The following LARS2 variants were observed in gnomAD, a reference collection of about 807,000 sequenced individuals.
The protein encoded by LARS2 is leucine--tRNA ligase, mitochondrial.
Under a neutral mutation model 116.6 loss-of-function variants are expected in LARS2, and 81 were observed. That is an observed-to-expected ratio of 0.69 (90% CI 0.58 to 0.84). The LOEUF (loss-of-function observed/expected upper bound fraction) is 0.84. Ranked by LOEUF, LARS2 falls within the 40% of genes least tolerant of loss-of-function variation. The probability of loss-of-function intolerance (pLI) is 0.00; values close to 1 mark genes in which losing one functional copy is unlikely to be tolerated. For synonymous variants in LARS2, 396 were observed against 407.2 expected, an observed-to-expected ratio of 0.97 and a Z score of 0.33; for missense variants, 968 against 1,114.5, an observed-to-expected ratio of 0.87 and a Z score of 1.87.
intron 5 of LARS2, among the ~76,000 whole-genome samples, chr3:45,419,191 G>T (rs1698477483): frequency 6.6e-6 from 1 of 152,262 alleles, no homozygotes; most frequent in African/African-American, 2.4e-5. Flanking sequence ...TCTCAATGGT[G>T]GATAGTTTTA....
At chr3:45,473,970 G>A (rs1056254079) in intron 8 of LARS2, among the ~76,000 whole-genome samples, 3 of 152,120 alleles carry the variant, frequency 2.0e-5, no homozygotes, top group Non-Finnish European at 2.9e-5. Flanking sequence ...TGTGAATTAT[G>A]ACCTTTGTTT....
chr3:45,540,297 C>T (rs1168939331), intron 20 of LARS2, among the ~76,000 whole-genome samples: 1 of 152,146 alleles, frequency 6.6e-6, no homozygotes, highest in African/African-American at 2.4e-5. Flanking sequence ...CTGAACGTGA[C>T]TTTTATTTTT....
intron 7 of LARS2, among the ~76,000 whole-genome samples, chr3:45,455,612 T>C (rs913468850): frequency 2.6e-5 from 4 of 152,108 alleles, no homozygotes; most frequent in African/African-American, 7.2e-5. Context: ...AAAATGGAAC[T>C]ACCATATGAT....
chr3:45,436,770 C>A (rs1256924089), intron 6 of LARS2, among the ~76,000 whole-genome samples: 1 of 138,418 alleles, frequency 7.2e-6, no homozygotes. Context: ...GTCCGCAGTC[C>A]GGCCTGGGCG....
rs753230434 is a variant in LARS2, at chr3:45,446,989, A to G, written c.606+9A>G. 1 of 1,497,722 alleles carries G rather than the reference A, an allele frequency of 6.7e-7. No individual in the cohort carries two copies. The highest frequency in any genetic ancestry group is 9.3e-7 in the Non-Finnish European group (1 of 1,080,854). 92.8% of individuals were successfully genotyped at this position (1,497,722 alleles called of 1,614,324 possible). A position where few individuals can be genotyped will look rare whatever the true frequency, so the allele number is the denominator to read the frequency against. Reference sequence around the variant, plus strand: ...TGGCCTATCAAAAGGAGGTAAGTTAAAATTAGCTGGACTTTTAAAATTCAG... The same window carrying G: ...TGGCCTATCAAAAGGAGGTAAGTTAGAATTAGCTGGACTTTTAAAATTCAG... On this transcript the variant is annotated intron_variant, in intron 7 of 21. Transcript: ENST00000645846.
At chr3:45,509,077 C>G (rs941292323) in intron 15 of LARS2, among the ~76,000 whole-genome samples, 4 of 152,146 alleles carry the variant, frequency 2.6e-5, no homozygotes, top group Non-Finnish European at 5.9e-5. Flanking sequence ...CAAGCATGAT[C>G]TACCTCCAGG....
intron 4 of LARS2, among the ~76,000 whole-genome samples, chr3:45,416,102 G>A (rs1405329234): frequency 6.6e-6 from 1 of 151,468 alleles, no homozygotes; most frequent in Non-Finnish European, 1.5e-5. Flanking sequence ...TTACTGGTAG[G>A]GAAGAAAGGG....
intron 15 of LARS2, chr3:45,507,114 C>T (rs1205880440): frequency 6.6e-6 from 1 of 151,864 alleles, no homozygotes; most frequent in Admixed American, 6.6e-5. Flanking sequence ...AAAATGTTTC[C>T]GTCCCAGCAC....
intron 19 of LARS2, among the ~76,000 whole-genome samples, chr3:45,520,857 A>G (rs551401678): frequency 1.3e-5 from 2 of 152,162 alleles, no homozygotes; most frequent in Non-Finnish European, 2.9e-5. Flanking sequence ...AGCTATTAAC[A>G]AATGCTTTTT....
intron 21 of LARS2, among the ~76,000 whole-genome samples, chr3:45,543,427 T>C (rs1234806209): frequency 3.3e-5 from 5 of 151,004 alleles, no homozygotes; most frequent in Admixed American, 3.3e-4. Flanking sequence ...ATTACAGACA[T>C]GAGCCACCAC....
rs1559484067 is a variant in LARS2 at position 45,485,681 on chromosome 3, C to G, written c.1019-11C>G. On this transcript the variant is annotated splice_polypyrimidine_tract_variant and intron_variant, in intron 10 of 21. Coordinates refer to ENST00000645846, the MANE Select transcript of LARS2 (RefSeq NM_015340.4). ...TGAGTGGCATCCACAGTTATTTGCT[C>G]TCATTTTCAGATTGCCTCACGCCTG... is the stretch of plus-strand genomic sequence containing the variant. 2.0e-6 allele frequency: 3 copies of G among 1,535,716 alleles called. No homozygotes were observed. The highest frequency in any genetic ancestry group is 2.7e-6 in the Non-Finnish European group (3 of 1,120,640).
At chr3:45,472,454 T>C (rs999948308) in intron 8 of LARS2, among the ~76,000 whole-genome samples, 2 of 152,172 alleles carry the variant, frequency 1.3e-5, no homozygotes, top group African/African-American at 4.8e-5. Flanking sequence ...GGCAGATTGC[T>C]CTCTCCTGGG....
chr3:45,477,119 T>G (rs1377978143), intron 10 of LARS2, among the ~76,000 whole-genome samples: 1 of 152,240 alleles, frequency 6.6e-6, no homozygotes, highest in African/African-American at 2.4e-5. Flanking sequence ...ATACAGAGTT[T>G]TAACATACCT....
At chr3:45,521,978 C>A (rs760405225) in intron 19 of LARS2, among the ~76,000 whole-genome samples, 1 of 152,012 alleles carries the variant, frequency 6.6e-6, no homozygotes, top group Non-Finnish European at 1.5e-5. Context: ...TGGTGGCATG[C>A]ACCTGTAGTT....
intron 15 of LARS2, among the ~76,000 whole-genome samples, chr3:45,505,201 TATGTTCTTAGCTACTCCAG>T (rs1172824336): frequency 6.6e-6 from 1 of 152,034 alleles, no homozygotes; most frequent in African/African-American, 2.4e-5. Context: ...TGTGCACACC[TATGTTCTTAGCTACTCCAG>T]AAGCTGAGAT....
At chr3:45,497,694 G>A (rs1017398585) in intron 14 of LARS2, among the ~76,000 whole-genome samples, 1 of 152,084 alleles carries the variant, frequency 6.6e-6, no homozygotes, top group Non-Finnish European at 1.5e-5. Flanking sequence ...ATCACCTGAG[G>A]TCAGGAGTTG....
chr3:45,520,221 G>T lies in LARS2; in HGVS notation c.2217G>T (p.Val739=), dbSNP rs1340596451. ...WEYKNSVISQ[V]TTHFTEDFSL... ...AATAATTGAACCTTTACTAATAGGT[G>T]ACCACCCATTTCACAGAGGACTTCT... is the stretch of plus-strand genomic sequence containing the variant. The change falls in exon 19 of 22, where the codon GTG becomes GTT. Residue 739 remains valine, a splice_region_variant and synonymous_variant. Coordinates refer to ENST00000645846, the MANE Select transcript of LARS2 (RefSeq NM_015340.4). The T allele has an allele frequency of 6.2e-7, 1 of 1,607,344 alleles. No homozygotes were observed. The highest frequency in any genetic ancestry group is 2.2e-5 in the East Asian group (1 of 44,836).
intron 8 of LARS2, among the ~76,000 whole-genome samples, chr3:45,468,875 C>T (rs1473314967): frequency 5.3e-5 from 8 of 152,174 alleles, no homozygotes; most frequent in Non-Finnish European, 1.2e-4. Context: ...ACCTAGAAAG[C>T]ACATCCCTCT....
chr3:45,458,899 C>T lies in LARS2; in HGVS notation c.750+13C>T, dbSNP rs769126816. On this transcript the variant is annotated intron_variant, in intron 8 of 21. Coordinates refer to ENST00000645846, the MANE Select transcript of LARS2 (RefSeq NM_015340.4). ...CGCTTATGCAAAGGTGAGTGTCAGC[C>T]TGGAGGCTCCCCACTAATGCCTTAC... 3 of 1,613,496 alleles carry T rather than the reference C, an allele frequency of 1.9e-6. No homozygotes were observed. Among genetic ancestry groups the T allele is most frequent in the Middle Eastern group, 1.7e-4 (1 of 6,020 alleles).
Sources: gnomAD v4.1 joint callset for allele counts (sites outside exome capture counted in the v4.1 genomes callset) on GRCh38, gnomAD v4.1.1 for gene constraint, MANE v1.5 for transcripts, NCBI Gene and HGNC (gene_info 2026-07-23, HGNC 2026-07-21) for gene names.